The following CPXM2 variants were observed in gnomAD, a reference collection of about 807,000 sequenced individuals.
CPXM2 encodes inactive carboxypeptidase-like protein X2.
CPXM2 carries 66 observed loss-of-function variants against 86.1 expected under a neutral mutation model. The observed-to-expected ratio is 0.77, with a 90% CI of 0.63 to 0.94. The LOEUF (loss-of-function observed/expected upper bound fraction) is 0.94, where lower values mean the gene tolerates loss of function less well. Ranked by LOEUF, CPXM2 falls within the 40% of genes least tolerant of loss-of-function variation. CPXM2 has a pLI of 0.00. For missense variants in CPXM2, 948 were observed against 1,026.3 expected, an observed-to-expected ratio of 0.92 and a Z score of 1.04; for synonymous variants, 388 against 400.2, an observed-to-expected ratio of 0.97 and a Z score of 0.36.
chr10:123,848,464 C>T (rs1004601465), intron 3 of CPXM2, among the ~76,000 whole-genome samples: 4 of 152,174 alleles, frequency 2.6e-5, no homozygotes, highest in Admixed American at 6.5e-5. Context: ...AACTAGTAAA[C>T]ATCCACGGTT....
chr10:123,801,905 T>G (rs1341901458), intron 4 of CPXM2, among the ~76,000 whole-genome samples: 1 of 152,246 alleles, frequency 6.6e-6, no homozygotes, highest in East Asian at 1.9e-4. Flanking sequence ...AAAGCTAGTC[T>G]TAACCCTTCA....
chr10:123,896,717 G>A (rs941517345), upstream of CPXM2, among the ~76,000 whole-genome samples: 1 of 152,188 alleles, frequency 6.6e-6, no homozygotes, highest in African/African-American at 2.4e-5. Flanking sequence ...TGTTGCAAAA[G>A]CTCCTAAGAA....
At chr10:123,832,245 G>A (rs920765721) in intron 4 of CPXM2, among the ~76,000 whole-genome samples, 11 of 152,136 alleles carry the variant, frequency 7.2e-5, no homozygotes, top group Non-Finnish European at 1.3e-4. Context: ...GCATCTGAAC[G>A]GTAAGTCAGC....
At chr10:123,934,847 A>G (rs1945700484) in intron 2 of CPXM2, among the ~76,000 whole-genome samples, 1 of 151,860 alleles carries the variant, frequency 6.6e-6, no homozygotes, top group African/African-American at 2.4e-5. Context: ...GCCTCCCACT[A>G]GCTGTGTTGG....
At chr10:123,845,066 CAAAAAAAAAAA>C (rs61013140) in intron 3 of CPXM2, among the ~76,000 whole-genome samples, 1 of 90,092 alleles carries the variant, frequency 1.1e-5, no homozygotes, top group African/African-American at 4.0e-5. Flanking sequence ...GACTCAGTCT[CAAAAAAAAAAA>C]AAAAAAATAC....
At chr10:123,862,542 C>T (rs1189064759) in intron 3 of CPXM2, 72 bp downstream of exon 3, 4 of 1,346,986 alleles carry the variant, frequency 3.0e-6, no homozygotes, top group African/African-American at 1.4e-5. Flanking sequence ...CTGCGCATTG[C>T]CTGATCCAAG....
At chr10:123,902,323 C>T (rs1945390496) in intron 2 of CPXM2, among the ~76,000 whole-genome samples, 1 of 152,196 alleles carries the variant, frequency 6.6e-6, no homozygotes, top group South Asian at 2.1e-4. Flanking sequence ...AGCAGGCTGA[C>T]CTCACCAACT....
chr10:123,807,936 G>A (rs1013142652), intron 4 of CPXM2, among the ~76,000 whole-genome samples: 2 of 152,102 alleles, frequency 1.3e-5, no homozygotes, highest in African/African-American at 2.4e-5. Flanking sequence ...TGGAGGTTAC[G>A]AACTCCAAGC....
intron 7 of CPXM2, among the ~76,000 whole-genome samples, chr10:123,779,256 G>A (rs946104128): frequency 2.6e-5 from 4 of 152,176 alleles, no homozygotes; most frequent in African/African-American, 9.7e-5. Flanking sequence ...GCACATGCTG[G>A]GGGTGGGCAC....
intron 4 of CPXM2, among the ~76,000 whole-genome samples, chr10:123,842,014 C>T (rs1299162979): frequency 6.6e-6 from 1 of 152,210 alleles, no homozygotes; most frequent in African/African-American, 2.4e-5. Context: ...CTGCCTTGGG[C>T]TGTGCCCTGG....
At chr10:123,875,845 C>G (rs1452623655) in intron 2 of CPXM2, among the ~76,000 whole-genome samples, 2 of 116,872 alleles carry the variant, frequency 1.7e-5, no homozygotes, top group East Asian at 5.2e-4. Context: ...GGGACAGAGT[C>G]TCGCTCTGTC....
chr10:123,866,626 T>C (rs1361150553), intron 2 of CPXM2, among the ~76,000 whole-genome samples: 1 of 151,922 alleles, frequency 6.6e-6, no homozygotes, highest in Admixed American at 6.6e-5. Flanking sequence ...CCTGTTGACG[T>C]GGCAGGCAGG....
chr10:123,836,624 G>A (rs1051976369), intron 4 of CPXM2, among the ~76,000 whole-genome samples: 2 of 152,130 alleles, frequency 1.3e-5, no homozygotes, highest in Admixed American at 1.3e-4. Context: ...TCTCAATGCA[G>A]ATCTTACACT....
chr10:123,757,955 A>G (rs1247546075), intron 11 of CPXM2, among the ~76,000 whole-genome samples: 2 of 152,184 alleles, frequency 1.3e-5, no homozygotes, highest in Non-Finnish European at 2.9e-5. Context: ...AAGGGGAAGA[A>G]TAGTACCCAG....
chr10:123,851,512 G>A (rs1050164317), intron 3 of CPXM2, among the ~76,000 whole-genome samples: 1 of 152,172 alleles, frequency 6.6e-6, no homozygotes, highest in Non-Finnish European at 1.5e-5. Flanking sequence ...GCTCATGCCT[G>A]TAATCCCAGC....
At chr10:123,842,586 G>C (rs906412377) in intron 3 of CPXM2, 98 bp from the exon 4 acceptor site, 10 of 1,243,020 alleles carry the variant, frequency 8.0e-6, no homozygotes, top group Non-Finnish European at 1.1e-5. Flanking sequence ...AGGGAGGATA[G>C]GAGAAGAAAA....
chr10:123,892,027 C>G (rs961612792), upstream of CPXM2: 3 of 152,178 alleles, frequency 2.0e-5, no homozygotes, highest in Admixed American at 6.5e-5. Context: ...CCTGCTTCCC[C>G]AGAGACGCTA....
At chr10:123,887,263 G>GT (rs2134244188) in intron 1 of CPXM2, 1 of 77,742 alleles carries the variant, frequency 1.3e-5, no homozygotes, top group African/African-American at 8.1e-5. Flanking sequence ...TGTCCACTTA[G>GT]GTCCTTAGAG....
chr10:123,843,566 C>G (rs1459418311), intron 3 of CPXM2, among the ~76,000 whole-genome samples: 7 of 150,190 alleles, frequency 4.7e-5, no homozygotes, highest in Admixed American at 1.3e-4. Context: ...TTCTTATGAT[C>G]AGATTAAAAA....
Sources: allele counts gnomAD v4.1 joint callset (sites outside exome capture counted in the v4.1 genomes callset), GRCh38; gene constraint gnomAD v4.1.1; transcripts MANE v1.5; gene names NCBI Gene and HGNC (gene_info 2026-07-23, HGNC 2026-07-21).